Variants in NCKAP5 observed in about 807,000 individuals in gnomAD.
NCKAP5 encodes the protein nck-associated protein 5.
Under a neutral mutation model 167.0 loss-of-function variants are expected in NCKAP5, and 92 were observed. That is an observed-to-expected ratio of 0.55 (90% CI 0.47 to 0.66). The LOEUF is 0.66. NCKAP5 is among the 30% of genes least tolerant of loss of function. The probability of loss-of-function intolerance (pLI) is 0.00; values close to 1 mark genes in which losing one functional copy is unlikely to be tolerated. For missense variants in NCKAP5, 2,378 were observed against 2,315.0 expected, an observed-to-expected ratio of 1.03 and a Z score of -0.56; for synonymous variants, 891 against 877.4, an observed-to-expected ratio of 1.02 and a Z score of -0.27.
chr2:133,219,380 T>C (rs1262328829), intron 4 of NCKAP5, among the ~76,000 whole-genome samples: 3 of 152,310 alleles, frequency 2.0e-5, no homozygotes, highest in Admixed American at 1.3e-4. Flanking sequence ...AAATGTCTTT[T>C]GGGGACCATG....
chr2:132,780,440 G>A (rs936323079), intron 15 of NCKAP5, among the ~76,000 whole-genome samples: 1 of 152,114 alleles, frequency 6.6e-6, no homozygotes, highest in African/African-American at 2.4e-5. Flanking sequence ...GTGAGCCACC[G>A]CACCCGGCCT....
rs1190780577 is a variant in NCKAP5, at chr2:133,300,428, C to A, written c.143+2609G>T. ...AGCAGCACATCAAAAAGCTTATCCA[C>A]CATGATCAAGTGGGCTTCATCCCTG... On this transcript the variant is annotated intron_variant, in intron 4 of 19. Transcript: ENST00000409261. Among the ~76,000 whole-genome samples, 4 of 107,350 alleles carry A rather than the reference C, an allele frequency of 3.7e-5. 1 individual carries two copies. Among genetic ancestry groups the A allele is most frequent in the Non-Finnish European group, 5.5e-5 (3 of 54,656 alleles). 70.4% of individuals were successfully genotyped at this position (107,350 alleles called of 152,430 possible). A position where few individuals can be genotyped will look rare whatever the true frequency, so the allele number is the denominator to read the frequency against.
intron 6 of NCKAP5, among the ~76,000 whole-genome samples, chr2:133,121,050 G>A (rs945544764): frequency 2.0e-5 from 3 of 151,994 alleles, no homozygotes; most frequent in Non-Finnish European, 2.9e-5. Flanking sequence ...GATAGGCAGC[G>A]ACCTTTAACT....
intron 16 of NCKAP5, among the ~76,000 whole-genome samples, chr2:132,753,878 A>G (rs965075213): frequency 2.0e-5 from 3 of 152,178 alleles, no homozygotes; most frequent in East Asian, 1.9e-4. Context: ...GCCGGCAGCC[A>G]TATCTCTTTG....
chr2:132,836,957 G>A (rs1398613387), intron 11 of NCKAP5, among the ~76,000 whole-genome samples: 1 of 152,166 alleles, frequency 6.6e-6, no homozygotes, highest in Admixed American at 6.5e-5. Flanking sequence ...CTAAGAAAAG[G>A]GACATGGGTG....
chr2:132,673,353 C>T, intron 19 of NCKAP5, 48 bp from the exon 20 acceptor site: 1 of 1,340,308 alleles, frequency 7.5e-7, no homozygotes. Flanking sequence ...TTTGGAAAAT[C>T]AAGTTATCCT....
chr2:132,923,166 T>C (rs1296346897), intron 8 of NCKAP5, among the ~76,000 whole-genome samples: 1 of 152,208 alleles, frequency 6.6e-6, no homozygotes, highest in East Asian at 1.9e-4. Context: ...CTGGATACAC[T>C]TGAGAATGAA....
intron 16 of NCKAP5, among the ~76,000 whole-genome samples, chr2:132,749,796 A>AGT (rs1679957608): frequency 6.6e-6 from 1 of 152,202 alleles, no homozygotes; most frequent in African/African-American, 2.4e-5. Context: ...TGTTTCAACT[A>AGT]GAGTTCTGAT....
chr2:132,857,199 A>G (rs1689540172), intron 11 of NCKAP5, among the ~76,000 whole-genome samples: 1 of 151,792 alleles, frequency 6.6e-6, no homozygotes, highest in Non-Finnish European at 1.5e-5. Context: ...GCATCAACAC[A>G]CACTTTATAC....
chr2:133,097,823 T>G (rs2081389309), intron 6 of NCKAP5, among the ~76,000 whole-genome samples: 1 of 152,136 alleles, frequency 6.6e-6, no homozygotes, highest in Non-Finnish European at 1.5e-5. Flanking sequence ...TGTGGCTAGC[T>G]TCATTTATCT....
At chr2:132,845,324 C>T (rs980070942) in intron 11 of NCKAP5, among the ~76,000 whole-genome samples, 3 of 152,058 alleles carry the variant, frequency 2.0e-5, no homozygotes, top group African/African-American at 7.2e-5. Flanking sequence ...CAGTCCTTTC[C>T]TGTATGACTT....
At chr2:133,329,305 G>A (rs936184923) in intron 3 of NCKAP5, among the ~76,000 whole-genome samples, 11 of 152,118 alleles carry the variant, frequency 7.2e-5, no homozygotes, top group African/African-American at 2.4e-4. Flanking sequence ...TGGACAGGGA[G>A]CAAGGGAGGA....
intron 3 of NCKAP5, among the ~76,000 whole-genome samples, chr2:133,315,279 C>T (rs1386927651): frequency 6.6e-6 from 1 of 152,116 alleles, no homozygotes; most frequent in Non-Finnish European, 1.5e-5. Flanking sequence ...TTGTTGGATT[C>T]AGGATCTGTT....
chr2:132,991,764 A>C (rs2077454511), intron 7 of NCKAP5, among the ~76,000 whole-genome samples: 1 of 152,172 alleles, frequency 6.6e-6, no homozygotes, highest in Non-Finnish European at 1.5e-5. Context: ...TGCAAGTTGG[A>C]AAATCTGAGA....
At chr2:133,078,870 T>C (rs993387371) in intron 6 of NCKAP5, among the ~76,000 whole-genome samples, 2 of 152,036 alleles carry the variant, frequency 1.3e-5, no homozygotes, top group Non-Finnish European at 2.9e-5. Flanking sequence ...CTTAGATAAA[T>C]ACCCAGTGCT....
At chr2:132,735,743 T>C (rs1438950530) in intron 16 of NCKAP5, among the ~76,000 whole-genome samples, 2 of 152,216 alleles carry the variant, frequency 1.3e-5, no homozygotes, top group Non-Finnish European at 1.5e-5. Context: ...AGTAAGAATC[T>C]TGACAGCCTT....
rs376289552 is a variant in NCKAP5 at position 132,985,846 on chromosome 2, C to A, written c.429+8306G>T. On this transcript the variant is annotated intron_variant, in intron 7 of 19. Transcript: ENST00000409261. ...GCAGAATCAAAAACCCTTGAGACTT[C>A]TCAAGATTATAGGCCACAGACATAA... 1.4e-4 allele frequency among the ~76,000 whole-genome samples: 21 copies of A among 152,284 alleles called. 1 individual carries two copies. Among genetic ancestry groups the A allele is most frequent in the African/African-American group, 5.1e-4 (21 of 41,568 alleles).
intron 16 of NCKAP5, among the ~76,000 whole-genome samples, chr2:132,739,624 T>A (rs1456608733): frequency 6.6e-6 from 1 of 152,196 alleles, no homozygotes; most frequent in African/African-American, 2.4e-5. Context: ...TATACTATCA[T>A]GGAATCCAAG....
intron 11 of NCKAP5, among the ~76,000 whole-genome samples, chr2:132,806,421 T>A (rs1228346918): frequency 6.6e-6 from 1 of 152,094 alleles, no homozygotes; most frequent in Non-Finnish European, 1.5e-5. Flanking sequence ...GTTCACCATA[T>A]CCACTCTGAC....
Sources: gnomAD v4.1 joint callset for allele counts (sites outside exome capture counted in the v4.1 genomes callset) on GRCh38, gnomAD v4.1.1 for gene constraint, MANE v1.5 for transcripts, NCBI Gene and HGNC (gene_info 2026-07-23, HGNC 2026-07-21) for gene names.